Variants in BCL2L1 observed in about 807,000 individuals in gnomAD.
The protein encoded by BCL2L1 is BCL2 like 1.
Under a neutral mutation model 18.7 loss-of-function variants are expected in BCL2L1, and 1 was observed. The ratio of observed to expected loss-of-function variants is 0.05; its 90% CI spans 0.02 to 0.25. The LOEUF is 0.25. Among genes scored for constraint, BCL2L1 ranks in the 10% least tolerant of loss-of-function variants. The pLI, the probability that BCL2L1 is intolerant of heterozygous loss-of-function variation, is 1.00. For synonymous variants in BCL2L1, 103 were observed against 122.7 expected, an observed-to-expected ratio of 0.84 and a Z score of 1.06; for missense variants, 207 against 304.9, an observed-to-expected ratio of 0.68 and a Z score of 2.39.
chr20:31,703,294 T>C (rs1326944830), intron 2 of BCL2L1, among the ~76,000 whole-genome samples: 2 of 152,066 alleles, frequency 1.3e-5, no homozygotes, highest in African/African-American at 4.8e-5. Context: ...TCACCCGCCT[T>C]GGTGTCCCAA....
intron 2 of BCL2L1, among the ~76,000 whole-genome samples, chr20:31,690,846 T>C (rs1169701105): frequency 2.6e-5 from 4 of 152,052 alleles, no homozygotes; most frequent in Non-Finnish European, 5.9e-5. Flanking sequence ...CCTTTGTTCA[T>C]TATGAGATAT....
At position 31,665,924 on chromosome 20, in the gene BCL2L1, G is replaced by A. The variant is rs1216554681; in HGVS notation, c.*25C>T. The A allele has an allele frequency of 1.2e-6, 2 of 1,610,626 alleles. No homozygotes were observed. Among genetic ancestry groups the A allele is most frequent in the African/African-American group, 1.3e-5 (1 of 74,826 alleles). ...GGTGGAGCAGAGAAGGGGGTGGGAG[G>A]GTAGAGTGGATGGTCAGTGTCTGGT... On this transcript the variant is annotated 3_prime_UTR_variant, in exon 3 of 3. Transcript: ENST00000307677.
chr20:31,677,715 T>C (rs916407689), intron 2 of BCL2L1, among the ~76,000 whole-genome samples: 1 of 152,196 alleles, frequency 6.6e-6, no homozygotes, highest in Non-Finnish European at 1.5e-5. Flanking sequence ...ACATGCCATG[T>C]TCTGTTCAGA....
chr20:31,685,084 T>C (rs1233256911), intron 2 of BCL2L1, among the ~76,000 whole-genome samples: 4 of 152,220 alleles, frequency 2.6e-5, no homozygotes, highest in Non-Finnish European at 5.9e-5. Context: ...AAGCTTTTTC[T>C]TCTTCTAGTA....
intron 2 of BCL2L1, among the ~76,000 whole-genome samples, chr20:31,702,789 GGGGT>G (rs1445293438): frequency 4.0e-5 from 6 of 151,498 alleles, no homozygotes; most frequent in Non-Finnish European, 7.4e-5. Context: ...TGGGATTACA[GGGGT>G]GAGCCATCGT....
chr20:31,690,534 T>C (rs933270547), intron 2 of BCL2L1, among the ~76,000 whole-genome samples: 8 of 151,948 alleles, frequency 5.3e-5, no homozygotes, highest in South Asian at 2.1e-4. Flanking sequence ...CTCACTCCAG[T>C]AGTATTTTGA....
intron 2 of BCL2L1, among the ~76,000 whole-genome samples, chr20:31,682,931 C>T (rs1247860930): frequency 6.6e-6 from 1 of 152,116 alleles, no homozygotes; most frequent in Non-Finnish European, 1.5e-5. Context: ...TATCTAGAGT[C>T]CCACCATTTC....
chr20:31,672,681 T>C (rs2060689936), intron 2 of BCL2L1, among the ~76,000 whole-genome samples: 1 of 152,160 alleles, frequency 6.6e-6, no homozygotes, highest in South Asian at 2.1e-4. Context: ...GGCAGCCAAC[T>C]GAACGATGCA....
chr20:31,683,865 A>AG (rs1275018052), intron 2 of BCL2L1, among the ~76,000 whole-genome samples: 6 of 151,588 alleles, frequency 4.0e-5, no homozygotes, highest in African/African-American at 1.5e-4. Context: ...GTTGACAGAT[A>AG]GTAGACACTT....
At chr20:31,691,011 G>A (rs982667754) in intron 2 of BCL2L1, among the ~76,000 whole-genome samples, 2 of 150,012 alleles carry the variant, frequency 1.3e-5, no homozygotes, top group African/African-American at 4.9e-5. Context: ...AATTAGCCAG[G>A]CATGGTGACA....
At chr20:31,723,260 T>G, upstream of BCL2L1, 1 of 985,194 alleles carries the variant, frequency 1.0e-6, no homozygotes, top group Non-Finnish European at 1.2e-6. Context: ...AGTTGGGGAT[T>G]GCCGGGTCCT....
At chr20:31,691,391 G>A (rs2061071899) in intron 2 of BCL2L1, among the ~76,000 whole-genome samples, 1 of 149,666 alleles carries the variant, frequency 6.7e-6, no homozygotes, top group East Asian at 2.0e-4. Context: ...GTGCATGCCT[G>A]TAATTCCAGC....
intron 2 of BCL2L1, among the ~76,000 whole-genome samples, chr20:31,710,480 G>A (rs941817798): frequency 2.6e-5 from 4 of 152,232 alleles, no homozygotes; most frequent in Non-Finnish European, 5.9e-5. Context: ...AGAAAGCTAT[G>A]ATTATTTAAG....
At chr20:31,704,922 AT>A (rs1449297990) in intron 2 of BCL2L1, among the ~76,000 whole-genome samples, 2 of 152,220 alleles carry the variant, frequency 1.3e-5, no homozygotes, top group African/African-American at 4.8e-5. Context: ...TTTTATGAGT[AT>A]TATGTTGGTC....
At chr20:31,683,368 C>A (rs1414397102) in intron 2 of BCL2L1, among the ~76,000 whole-genome samples, 1 of 152,176 alleles carries the variant, frequency 6.6e-6, no homozygotes, top group Non-Finnish European at 1.5e-5. Flanking sequence ...TGCTCATATG[C>A]CTGCTCCTCA....
intron 2 of BCL2L1, among the ~76,000 whole-genome samples, chr20:31,666,635 G>A (rs1448234511): frequency 6.6e-6 from 1 of 152,084 alleles, no homozygotes; most frequent in East Asian, 1.9e-4. Context: ...TTCAGGGGTA[G>A]AATGGGTCCT....
intron 2 of BCL2L1, among the ~76,000 whole-genome samples, chr20:31,677,204 CAG>C (rs1490941042): frequency 7.3e-6 from 1 of 137,734 alleles, no homozygotes; most frequent in Non-Finnish European, 1.5e-5. Context: ...TTTTTTGAGA[CAG>C]AGTCTCACTC....
chr20:31,686,098 C>T (rs540437067), intron 2 of BCL2L1: 1 of 152,344 alleles, frequency 6.6e-6, no homozygotes, highest in South Asian at 2.1e-4. Flanking sequence ...CAAATAGCCT[C>T]TGGGTCCCCA....
At chr20:31,720,430 G>C in intron 2 of BCL2L1, 1 of 663,108 alleles carries the variant, frequency 1.5e-6, no homozygotes, top group Non-Finnish European at 1.9e-6. Context: ...TGAGGGGATA[G>C]AACATCTCTC....
Sources: gnomAD v4.1 joint callset for allele counts (sites outside exome capture counted in the v4.1 genomes callset) on GRCh38, gnomAD v4.1.1 for gene constraint, MANE v1.5 for transcripts, NCBI Gene and HGNC (gene_info 2026-07-23, HGNC 2026-07-21) for gene names.